The following KCND2 variants were observed in gnomAD, a reference collection of about 807,000 sequenced individuals.
KCND2 encodes potassium voltage-gated channel subfamily D member 2, also known as A-type voltage-gated potassium channel KCND2.
KCND2 carries 16 observed loss-of-function variants against 54.4 expected under a neutral mutation model. The ratio of observed to expected loss-of-function variants is 0.29; its 90% CI spans 0.20 to 0.45. KCND2 has a LOEUF of 0.45. Ranked by LOEUF, KCND2 falls within the 20% of genes least tolerant of loss-of-function variation. The probability of loss-of-function intolerance (pLI) is 1.00; values close to 1 mark genes in which losing one functional copy is unlikely to be tolerated. For synonymous variants in KCND2, 317 were observed against 310.7 expected (o/e 1.02, Z -0.21); for missense variants, 486 against 824.2 (o/e 0.59, Z 5.02).
intron 1 of KCND2, among the ~76,000 whole-genome samples, chr7:120,421,817 C>T (rs1007008876): frequency 6.6e-6 from 1 of 152,178 alleles, no homozygotes; most frequent in Admixed American, 6.5e-5. Flanking sequence ...AATAAGGCCC[C>T]TCCATCCACA....
intron 1 of KCND2, among the ~76,000 whole-genome samples, chr7:120,301,232 A>G (rs973429361): frequency 6.6e-6 from 1 of 152,228 alleles, no homozygotes; most frequent in African/African-American, 2.4e-5. Flanking sequence ...AGGTAATATT[A>G]CTATAGTTAT....
chr7:120,473,587 A>T (rs1295919585), intron 1 of KCND2, among the ~76,000 whole-genome samples: 1 of 152,138 alleles, frequency 6.6e-6, no homozygotes, highest in South Asian at 2.1e-4. Context: ...CTCAAACACC[A>T]ACTCCTGCTT....
chr7:120,322,067 T>C (rs1317877422), intron 1 of KCND2, among the ~76,000 whole-genome samples: 3 of 152,044 alleles, frequency 2.0e-5, no homozygotes, highest in South Asian at 4.1e-4. Flanking sequence ...CATTAAATTA[T>C]GTGTATTAAA....
At chr7:120,579,636 A>G (rs1562878428) in intron 1 of KCND2, among the ~76,000 whole-genome samples, 1 of 141,902 alleles carries the variant, frequency 7.0e-6, no homozygotes, top group African/African-American at 2.9e-5. Context: ...AAATAAATAA[A>G]TAAATAAATA....
intron 1 of KCND2, among the ~76,000 whole-genome samples, chr7:120,321,819 T>C (rs1047284505): frequency 6.6e-5 from 10 of 152,136 alleles, no homozygotes; most frequent in Non-Finnish European, 1.2e-4. Context: ...TTGGGTATCT[T>C]TCTGTCCTCA....
intron 1 of KCND2, among the ~76,000 whole-genome samples, chr7:120,709,116 G>A (rs537630531): frequency 5.9e-5 from 9 of 152,088 alleles, no homozygotes; most frequent in East Asian, 3.9e-4. Flanking sequence ...CAATAAAACC[G>A]TGAGCTCCTG....
At chr7:120,618,714 G>A (rs182296687) in intron 1 of KCND2, among the ~76,000 whole-genome samples, 2 of 152,178 alleles carry the variant, frequency 1.3e-5, no homozygotes, top group Admixed American at 6.5e-5. Flanking sequence ...GTTTAATTTA[G>A]GGTAAACTAA....
chr7:120,521,063 G>A (rs1791686130), intron 1 of KCND2, among the ~76,000 whole-genome samples: 1 of 152,108 alleles, frequency 6.6e-6, no homozygotes, highest in Admixed American at 6.6e-5. Context: ...TGTCTGTAAA[G>A]TACACTTTAG....
At chr7:120,682,761 T>C (rs1210217672) in intron 1 of KCND2, among the ~76,000 whole-genome samples, 1 of 152,176 alleles carries the variant, frequency 6.6e-6, no homozygotes, top group Non-Finnish European at 1.5e-5. Context: ...GTTAAAAGTA[T>C]TTTAAGAAAC....
intron 1 of KCND2, among the ~76,000 whole-genome samples, chr7:120,598,715 T>A (rs1472436251): frequency 2.0e-5 from 3 of 152,244 alleles, no homozygotes; most frequent in African/African-American, 7.2e-5. Flanking sequence ...ATTGTCTGTA[T>A]ACATTTCTTT....
At chr7:120,732,193 A>C (rs920154030) in intron 1 of KCND2, among the ~76,000 whole-genome samples, 1 of 152,146 alleles carries the variant, frequency 6.6e-6, no homozygotes, top group Non-Finnish European at 1.5e-5. Context: ...TGAGACCTAA[A>C]GTACTCTAAG....
intron 1 of KCND2, among the ~76,000 whole-genome samples, chr7:120,580,286 A>C (rs1792498606): frequency 6.6e-6 from 1 of 152,166 alleles, no homozygotes; most frequent in Admixed American, 6.5e-5. Context: ...AAGCTATTAA[A>C]CCTATTTGGC....
At chr7:120,486,458 T>C (rs1025854067) in intron 1 of KCND2, among the ~76,000 whole-genome samples, 1 of 151,990 alleles carries the variant, frequency 6.6e-6, no homozygotes, top group African/African-American at 2.4e-5. Flanking sequence ...GTAAGGAAGA[T>C]TGATTGAAAA....
At position 120,451,311 on chromosome 7, in the gene KCND2, A is replaced by AT. The variant is rs201564634; in HGVS notation, c.1115+175564_1115+175565insT. Among the ~76,000 whole-genome samples, 1,289 of 152,204 alleles carry AT rather than the reference A, an allele frequency of 8.5e-3. 15 individuals carry two copies. The highest frequency in any genetic ancestry group is 0.029 in the African/African-American group (1,222 of 41,522). ...TGCTAGGAAGCACGAGTTATTAAAA[A>AT]ATATATATATATTAAGAATAACTCT... On this transcript the variant is annotated intron_variant, in intron 1 of 5. Transcript: ENST00000331113.
At chr7:120,422,838 A>T (rs936851252) in intron 1 of KCND2, among the ~76,000 whole-genome samples, 2 of 151,910 alleles carry the variant, frequency 1.3e-5, no homozygotes, top group African/African-American at 4.8e-5. Flanking sequence ...ACTTTCTTCT[A>T]CTCCGGGAGT....
chr7:120,735,984 C>T lies in KCND2; in HGVS notation c.1278+2919C>T, dbSNP rs1227070623. On this transcript the variant is annotated intron_variant, in intron 2 of 5. Transcript: ENST00000331113. The stretch of plus-strand genomic sequence containing the variant: ...CATTAGGCTAAGACAGTTTATTTAT[C>T]TGGGACTGGGCTATGTGCCAAATAT... Among the ~76,000 whole-genome samples the T allele has an allele frequency of 2.6e-5, 4 of 152,144 alleles. No individual in the cohort carries two copies. In the East Asian group the frequency reaches 7.7e-4, roughly 29 times the overall value.
chr7:120,304,257 G>T (rs1799621041), intron 1 of KCND2, among the ~76,000 whole-genome samples: 1 of 152,062 alleles, frequency 6.6e-6, no homozygotes, highest in Non-Finnish European at 1.5e-5. Flanking sequence ...ACCTAATAAT[G>T]ATTCTAACAA....
intron 1 of KCND2, among the ~76,000 whole-genome samples, chr7:120,458,100 A>G (rs1012314944): frequency 2.0e-5 from 3 of 152,164 alleles, no homozygotes; most frequent in African/African-American, 7.2e-5. Context: ...AAAACAATTG[A>G]GATGTTTGGT....
intron 1 of KCND2, among the ~76,000 whole-genome samples, chr7:120,548,769 A>G (rs981590580): frequency 6.6e-6 from 1 of 152,136 alleles, no homozygotes; most frequent in African/African-American, 2.4e-5. Context: ...CACACATAGC[A>G]TTTTAGTGAG....
Sources: allele counts gnomAD v4.1 joint callset (sites outside exome capture counted in the v4.1 genomes callset), GRCh38; gene constraint gnomAD v4.1.1; transcripts MANE v1.5; gene names NCBI Gene and HGNC (gene_info 2026-07-23, HGNC 2026-07-21).